Variants in B4GALT4 observed in about 807,000 individuals in gnomAD.
The protein encoded by B4GALT4 is N-acetyllactosamine synthase.
In B4GALT4, 27 loss-of-function variants were observed where a neutral mutation model predicts 37.3. The ratio of observed to expected loss-of-function variants is 0.72; its 90% CI spans 0.53 to 1.00. B4GALT4 has a LOEUF of 1.00. Ranked by LOEUF, B4GALT4 falls within the 50% of genes least tolerant of loss-of-function variation. The probability of loss-of-function intolerance (pLI) is 0.00; values close to 1 mark genes in which losing one functional copy is unlikely to be tolerated. For missense variants in B4GALT4, 372 were observed against 413.1 expected, an observed-to-expected ratio of 0.90 and a Z score of 0.86; for synonymous variants, 148 against 154.1, an observed-to-expected ratio of 0.96 and a Z score of 0.29.
intron 5 of B4GALT4, among the ~76,000 whole-genome samples, chr3:119,222,532 T>C (rs2078480053): frequency 6.6e-6 from 1 of 152,086 alleles, no homozygotes; most frequent in African/African-American, 2.4e-5. Context: ...CTTTCTCCCA[T>C]CCTTCCCCAG....
intron 5 of B4GALT4, among the ~76,000 whole-genome samples, chr3:119,222,100 C>G (rs932113068): frequency 6.6e-6 from 1 of 152,136 alleles, no homozygotes; most frequent in African/African-American, 2.4e-5. Flanking sequence ...AAGCAATCCT[C>G]TGTGATTGCT....
intron 6 of B4GALT4, 109 bp from the exon 7 acceptor site, chr3:119,216,453 C>CGT: frequency 3.4e-6 from 2 of 586,116 alleles, no homozygotes; most frequent in Non-Finnish European, 2.9e-6. Context: ...CATACACACA[C>CGT]ACACACACAC....
At chr3:119,220,988 A>G (rs2078434683) in intron 5 of B4GALT4, among the ~76,000 whole-genome samples, 1 of 150,928 alleles carries the variant, frequency 6.6e-6, no homozygotes, top group Admixed American at 6.6e-5. Flanking sequence ...TCTGTCTCAA[A>G]AAAAAAAAAA....
chr3:119,240,130 C>T (rs1194581729), intron 1 of B4GALT4: 2 of 152,360 alleles, frequency 1.3e-5, no homozygotes, highest in East Asian at 1.9e-4. Flanking sequence ...CCCTCACCCA[C>T]TCTGGAACAC....
At chr3:119,218,625 A>G (rs1202127331) in intron 6 of B4GALT4, 25 bp downstream of exon 6, 2 of 1,614,068 alleles carry the variant, frequency 1.2e-6, no homozygotes, top group Non-Finnish European at 8.5e-7. Context: ...GAGCCCCGTG[A>G]AGGGGACCTT....
At position 119,240,853 on chromosome 3, in the gene B4GALT4, G is replaced by A. The variant is rs1251128946; in HGVS notation, c.-367C>T. On this transcript the variant is annotated 5_prime_UTR_variant, in exon 1 of 8. Coordinates refer to ENST00000393765, the MANE Select transcript of B4GALT4 (RefSeq NM_003778.4). ...CCGGCGGAGCCAGCGTACTCACCCC[G>A]GAGGCGGCCGCGGCGAGCTAGCACT... The A allele has an allele frequency of 6.6e-6, 1 of 152,266 alleles. No individual in the cohort carries two copies. Among genetic ancestry groups the A allele is most frequent in the African/African-American group, 2.4e-5 (1 of 41,466 alleles). 9.4% of individuals were successfully genotyped at this position (152,266 alleles called of 1,614,324 possible).
chr3:119,224,797 G>C (rs1011752585), intron 4 of B4GALT4, among the ~76,000 whole-genome samples: 2 of 152,104 alleles, frequency 1.3e-5, no homozygotes, highest in Non-Finnish European at 2.9e-5. Context: ...AAAATGTATT[G>C]AGTATAGCTC....
chr3:119,238,818 G>A (rs1446334548), intron 1 of B4GALT4, among the ~76,000 whole-genome samples: 1 of 152,026 alleles, frequency 6.6e-6, no homozygotes, highest in Admixed American at 6.5e-5. Flanking sequence ...ATCACAGACA[G>A]GAATTATAAC....
intron 2 of B4GALT4, among the ~76,000 whole-genome samples, chr3:119,231,358 C>G (rs1382782682): frequency 6.6e-6 from 1 of 152,208 alleles, no homozygotes; most frequent in Non-Finnish European, 1.5e-5. Flanking sequence ...CATATCCTCT[C>G]TGTGTGGACA....
At chr3:119,222,028 C>T (rs763083862) in intron 5 of B4GALT4, among the ~76,000 whole-genome samples, 3 of 152,174 alleles carry the variant, frequency 2.0e-5, no homozygotes, top group Non-Finnish European at 2.9e-5. Flanking sequence ...AGAGCTCAGC[C>T]TTCTTATGGT....
chr3:119,217,041 C>G (rs2107466115), intron 6 of B4GALT4, among the ~76,000 whole-genome samples: 1 of 152,328 alleles, frequency 6.6e-6, no homozygotes, highest in Middle Eastern at 3.4e-3. Context: ...CTTTCATATT[C>G]AAATCATCTT....
In B4GALT4 at chr3:119,218,606, C is replaced by G. The variant is rs72655935; in HGVS notation, c.797+44G>C. 4,938 of 1,612,622 alleles carry G rather than the reference C, an allele frequency of 3.1e-3. 110 individuals are homozygous for G. In the African/African-American group the frequency reaches 0.053, roughly 17 times the overall value. On this transcript the variant is annotated intron_variant, in intron 6 of 7. Coordinates refer to ENST00000393765, the MANE Select transcript of B4GALT4 (RefSeq NM_003778.4). ...ATAAATGCAGGTCTCCAGAGCCACA[C>G]TGAGTGCAGAGCCCCGTGAAGGGGA... is the stretch of plus-strand genomic sequence containing the variant.
At chr3:119,235,089 C>T (rs1030015384) in intron 2 of B4GALT4, 2 of 152,208 alleles carry the variant, frequency 1.3e-5, no homozygotes, top group African/African-American at 2.4e-5. Context: ...AGTGGGAGAA[C>T]AGATGAAACA....
At position 119,230,034 on chromosome 3, in the gene B4GALT4, G is replaced by A. The variant is rs2078758642; in HGVS notation, c.66C>T (p.Cys22=). 1 of 1,614,022 alleles carries A rather than the reference G, an allele frequency of 6.2e-7. No homozygotes were observed. Among genetic ancestry groups the A allele is most frequent in the African/African-American group, 1.3e-5 (1 of 74,910 alleles). ...TGGTGGCCCACCCAACCACTGTCAG[G>A]CACAAAGTCAACAGCAACAGTAATC... ...KFRLLLLLTL[C]LTVVGWATSN... Residue 22 remains cysteine (C), a synonymous_variant, in exon 3 of 8, where the codon TGC becomes TGT. Coordinates refer to ENST00000393765, the MANE Select transcript of B4GALT4 (RefSeq NM_003778.4).
At chr3:119,232,702 T>C (rs1303404496) in intron 2 of B4GALT4, among the ~76,000 whole-genome samples, 2 of 152,196 alleles carry the variant, frequency 1.3e-5, no homozygotes, top group Non-Finnish European at 2.9e-5. Flanking sequence ...AGACAACCTC[T>C]TGTGGACTTA....
At chr3:119,220,484 G>C (rs1371290744) in intron 5 of B4GALT4, among the ~76,000 whole-genome samples, 1 of 152,360 alleles carries the variant, frequency 6.6e-6, no homozygotes. Flanking sequence ...CCTAATAAGA[G>C]AGGTGAACAT....
intron 4 of B4GALT4, among the ~76,000 whole-genome samples, chr3:119,225,392 CTCTTTT>C (rs2078579823): frequency 6.6e-6 from 1 of 151,926 alleles, no homozygotes; most frequent in African/African-American, 2.4e-5. Flanking sequence ...TTTTCTCTTT[CTCTTTT>C]TCTTTTTTTT....
intron 7 of B4GALT4, chr3:119,214,852 A>T (rs2078248114): frequency 6.6e-6 from 1 of 152,258 alleles, no homozygotes; most frequent in Non-Finnish European, 1.5e-5. Flanking sequence ...TGAAGTCATT[A>T]GGTAAAAAAC....
intron 5 of B4GALT4, among the ~76,000 whole-genome samples, chr3:119,221,753 G>C (rs886492474): frequency 3.9e-5 from 6 of 152,184 alleles, no homozygotes; most frequent in Admixed American, 1.3e-4. Context: ...ATTTCTAAAA[G>C]AGGGCCATGG....
Sources: allele counts gnomAD v4.1 joint callset (sites outside exome capture counted in the v4.1 genomes callset), GRCh38; gene constraint gnomAD v4.1.1; transcripts MANE v1.5; gene names NCBI Gene and HGNC (gene_info 2026-07-23, HGNC 2026-07-21).